The following ROBO1 variants were observed in gnomAD, a reference collection of about 807,000 sequenced individuals.
ROBO1 encodes the protein roundabout homolog 1.
In ROBO1, 149 loss-of-function variants were observed where a neutral mutation model predicts 195.9. That is an observed-to-expected ratio of 0.76 (90% CI 0.67 to 0.87). ROBO1 has a LOEUF of 0.87. ROBO1 is among the 40% of genes least tolerant of loss of function. ROBO1 has a pLI of 0.00. For missense variants in ROBO1, 1,933 were observed against 2,068.3 expected (o/e 0.93, Z 1.27); for synonymous variants, 816 against 733.2 (o/e 1.11, Z -1.82).
At chr3:79,453,754 C>A (rs530205859) in intron 2 of ROBO1, among the ~76,000 whole-genome samples, 4 of 152,096 alleles carry the variant, frequency 2.6e-5, no homozygotes, top group African/African-American at 9.6e-5. Flanking sequence ...AAGGGCCAGG[C>A]CAGAATAGGA....
intron 1 of ROBO1, among the ~76,000 whole-genome samples, chr3:79,763,064 GC>G (rs1395061256): frequency 1.3e-5 from 2 of 152,174 alleles, no homozygotes; most frequent in Non-Finnish European, 2.9e-5. Flanking sequence ...GGCTTTGAAT[GC>G]TTTCCTTTAG....
At chr3:78,655,175 T>C (rs995821230) in intron 18 of ROBO1, among the ~76,000 whole-genome samples, 1 of 152,202 alleles carries the variant, frequency 6.6e-6, no homozygotes, top group African/African-American at 2.4e-5. Context: ...TTTAGTTATA[T>C]GGATAAGTTC....
At chr3:78,627,287 G>A (rs968887350) in intron 26 of ROBO1, 34 bp downstream of exon 26, 5 of 1,596,116 alleles carry the variant, frequency 3.1e-6, no homozygotes, top group Non-Finnish European at 3.4e-6. Context: ...GAAATTATCT[G>A]ATTTGTTAGC....
chr3:79,045,941 C>T (rs1490315169), intron 3 of ROBO1, among the ~76,000 whole-genome samples: 1 of 152,144 alleles, frequency 6.6e-6, no homozygotes, highest in Non-Finnish European at 1.5e-5. Flanking sequence ...TAAACTCTAA[C>T]TTAAAGTCAG....
At chr3:79,204,909 T>C (rs1319972748) in intron 2 of ROBO1, among the ~76,000 whole-genome samples, 1 of 151,970 alleles carries the variant, frequency 6.6e-6, no homozygotes, top group Non-Finnish European at 1.5e-5. Flanking sequence ...TTTGTTTTTG[T>C]TTTTGTTTTG....
intron 2 of ROBO1, among the ~76,000 whole-genome samples, chr3:79,341,524 C>T (rs201659067): frequency 1.2e-4 from 18 of 151,392 alleles, no homozygotes; most frequent in East Asian, 5.9e-4. Flanking sequence ...AATTACAGAT[C>T]GGGTGGGAGG....
chr3:78,869,268 A>G (rs1268272660), intron 4 of ROBO1, among the ~76,000 whole-genome samples: 1 of 152,192 alleles, frequency 6.6e-6, no homozygotes, highest in Non-Finnish European at 1.5e-5. Context: ...CCTATGTGTA[A>G]TATCATATGG....
chr3:79,366,555 T>A (rs537253035), intron 2 of ROBO1, among the ~76,000 whole-genome samples: 1 of 152,172 alleles, frequency 6.6e-6, no homozygotes, highest in Non-Finnish European at 1.5e-5. Flanking sequence ...AGAGCAATGT[T>A]TTATATGCCC....
chr3:79,494,199 G>C (rs890239958), intron 2 of ROBO1, among the ~76,000 whole-genome samples: 1 of 151,824 alleles, frequency 6.6e-6, no homozygotes, highest in East Asian at 1.9e-4. Context: ...CAGCAAAAAA[G>C]GTGAATTCAT....
intron 3 of ROBO1, among the ~76,000 whole-genome samples, chr3:79,087,403 T>C (rs1256553765): frequency 1.3e-5 from 2 of 152,104 alleles, no homozygotes; most frequent in African/African-American, 4.8e-5. Flanking sequence ...TTCCAAACCT[T>C]TAATGATGTG....
At chr3:78,723,909 C>T (rs1250346259) in intron 5 of ROBO1, among the ~76,000 whole-genome samples, 2 of 152,072 alleles carry the variant, frequency 1.3e-5, no homozygotes, top group African/African-American at 4.8e-5. Context: ...TTCCCAGATT[C>T]GTATACTCTC....
At chr3:79,198,314 T>C (rs2081684176) in intron 2 of ROBO1, among the ~76,000 whole-genome samples, 1 of 152,258 alleles carries the variant, frequency 6.6e-6, no homozygotes, top group South Asian at 2.1e-4. Context: ...CCATTTTTTG[T>C]TTTTGTCAAA....
chr3:78,693,494 C>T (rs546578920), intron 8 of ROBO1: 2 of 658,758 alleles, frequency 3.0e-6, no homozygotes, highest in East Asian at 5.5e-5. Flanking sequence ...GAATATATGG[C>T]TCACACTGTA....
intron 1 of ROBO1, among the ~76,000 whole-genome samples, chr3:79,611,656 G>C (rs780141073): frequency 3.3e-5 from 5 of 152,036 alleles, no homozygotes; most frequent in Non-Finnish European, 7.4e-5. Context: ...CAAACACTGC[G>C]TGTTCTCACT....
intron 2 of ROBO1, among the ~76,000 whole-genome samples, chr3:79,190,939 T>G (rs1374522108): frequency 6.6e-6 from 1 of 151,578 alleles, no homozygotes; most frequent in African/African-American, 2.4e-5. Flanking sequence ...ATAAATATAT[T>G]TCCCAGTTCT....
chr3:78,760,076 C>G (rs540655744), intron 4 of ROBO1, among the ~76,000 whole-genome samples: 4 of 152,110 alleles, frequency 2.6e-5, no homozygotes, highest in Non-Finnish European at 4.4e-5. Context: ...GTGAAAGTCT[C>G]ACGAGATCTG....
rs1325453176 is a variant in ROBO1 at position 79,673,931 on chromosome 3, C to T, written c.-50-83970G>A. Among the ~76,000 whole-genome samples the T allele has an allele frequency of 2.0e-5, 3 of 151,972 alleles. 1 individual carries two copies. Among genetic ancestry groups the T allele is most frequent in the Admixed American group, 2.0e-4 (3 of 15,210 alleles). ...CAAAACTCTCCTCATTTTAAACTTT[C>T]CCTCCAGGGGAAGCATGTATTACCA... On this transcript the variant is annotated intron_variant, in intron 1 of 30. Transcript: ENST00000464233.
chr3:79,044,991 A>C (rs906375795), intron 3 of ROBO1, among the ~76,000 whole-genome samples: 11 of 152,064 alleles, frequency 7.2e-5, no homozygotes, highest in African/African-American at 2.7e-4. Flanking sequence ...AACATAAACA[A>C]ATATTATTTC....
chr3:79,073,055 A>G (rs2079114808), intron 3 of ROBO1, among the ~76,000 whole-genome samples: 1 of 152,036 alleles, frequency 6.6e-6, no homozygotes, highest in African/African-American at 2.4e-5. Context: ...AAAATAATAC[A>G]TCTGAAATGT....
Sources: allele counts gnomAD v4.1 joint callset (sites outside exome capture counted in the v4.1 genomes callset), GRCh38; gene constraint gnomAD v4.1.1; transcripts MANE v1.5; gene names NCBI Gene and HGNC (gene_info 2026-07-23, HGNC 2026-07-21).